SPAG16: variants seen among roughly 807,000 people sequenced by gnomAD.
SPAG16 encodes sperm-associated antigen 16 protein.
Under a neutral mutation model 80.4 loss-of-function variants are expected in SPAG16, and 86 were observed. That is an observed-to-expected ratio of 1.07 (90% CI 0.90 to 1.28). The LOEUF (loss-of-function observed/expected upper bound fraction) is 1.28, where lower values mean the gene tolerates loss of function less well. Ranked by LOEUF, SPAG16 falls within the 50% of genes most tolerant of loss-of-function variation. SPAG16 has a pLI of 0.00. For missense variants in SPAG16, 870 were observed against 765.3 expected (o/e 1.14, Z -1.61); for synonymous variants, 294 against 265.9 (o/e 1.11, Z -1.03).
At chr2:214,376,819 T>C (rs1296604576) in intron 15 of SPAG16, among the ~76,000 whole-genome samples, 1 of 152,172 alleles carries the variant, frequency 6.6e-6, no homozygotes, top group African/African-American at 2.4e-5. Context: ...AAATGTTGAG[T>C]AAATCACATG....
At chr2:214,038,877 AT>A (rs1305564144) in intron 13 of SPAG16, among the ~76,000 whole-genome samples, 1 of 152,208 alleles carries the variant, frequency 6.6e-6, no homozygotes, top group South Asian at 2.1e-4. Flanking sequence ...TGAAATCATT[AT>A]TTTTTATGGC....
intron 12 of SPAG16, among the ~76,000 whole-genome samples, chr2:213,933,004 G>A (rs1156596197): frequency 6.8e-6 from 1 of 146,784 alleles, no homozygotes; most frequent in African/African-American, 2.5e-5. Context: ...GTGTAACCCA[G>A]AGAGTGCTTG....
intron 15 of SPAG16, among the ~76,000 whole-genome samples, chr2:214,225,269 C>T (rs1480535199): frequency 6.6e-6 from 1 of 152,100 alleles, no homozygotes; most frequent in African/African-American, 2.4e-5. Context: ...CATTTGGGGA[C>T]CTTTTTTTTC....
chr2:213,704,577 C>T (rs2065653879), intron 10 of SPAG16, among the ~76,000 whole-genome samples: 1 of 152,024 alleles, frequency 6.6e-6, no homozygotes, highest in African/African-American at 2.4e-5. Flanking sequence ...CAAATGTTAA[C>T]CACTATGATT....
Position 213,310,315 on chromosome 2 carries a change from C to T in SPAG16, c.398+138C>T, listed in dbSNP as rs1452586195. ...ACTTTTCCCATCTCCAGCCCTGAAA[C>T]CACAACACACACACACACACACACA... On this transcript the variant is annotated intron_variant, in intron 4 of 15. Coordinates refer to ENST00000331683, the MANE Select transcript of SPAG16 (RefSeq NM_024532.5). 5.1e-5 allele frequency: 23 copies of T among 452,096 alleles called. No individual in the cohort carries two copies. The South Asian group carries it at 5.4e-4, about 11-fold the overall frequency. 28.0% of individuals were successfully genotyped at this position (452,096 alleles called of 1,614,324 possible).
At chr2:213,374,820 T>C (rs529408594) in intron 8 of SPAG16, among the ~76,000 whole-genome samples, 190 bp from the exon 9 acceptor site, 11 of 152,208 alleles carry the variant, frequency 7.2e-5, no homozygotes, top group Admixed American at 4.6e-4. Context: ...TAGTAATGCA[T>C]CTCTGCATTT....
At chr2:214,021,055 A>G (rs533463958) in intron 13 of SPAG16, among the ~76,000 whole-genome samples, 3 of 152,254 alleles carry the variant, frequency 2.0e-5, no homozygotes, top group Non-Finnish European at 4.4e-5. Flanking sequence ...CTTACAGTTC[A>G]CTGTTGGCAA....
chr2:213,563,647 A>C (rs1008715186), intron 10 of SPAG16, among the ~76,000 whole-genome samples: 3 of 152,204 alleles, frequency 2.0e-5, no homozygotes, highest in African/African-American at 7.2e-5. Flanking sequence ...TTACCTCATA[A>C]AAGCCCTATC....
chr2:213,333,942 G>T (rs1387835980), intron 5 of SPAG16, among the ~76,000 whole-genome samples: 1 of 152,072 alleles, frequency 6.6e-6, no homozygotes, highest in Non-Finnish European at 1.5e-5. Context: ...ACAAGCACAG[G>T]CATCCAAAGA....
At chr2:213,696,268 A>C (rs757573712) in intron 10 of SPAG16, among the ~76,000 whole-genome samples, 2 of 152,156 alleles carry the variant, frequency 1.3e-5, no homozygotes, top group Non-Finnish European at 2.9e-5. Context: ...TGCAATCCTG[A>C]GTTAAGTTTT....
intron 10 of SPAG16, among the ~76,000 whole-genome samples, chr2:213,804,724 A>G (rs2071653115): frequency 6.8e-6 from 1 of 146,276 alleles, no homozygotes; most frequent in Admixed American, 6.7e-5. Flanking sequence ...TAACTAACTA[A>G]CTAACTAAGA....
At chr2:213,591,084 A>G (rs2060674095) in intron 10 of SPAG16, among the ~76,000 whole-genome samples, 1 of 152,216 alleles carries the variant, frequency 6.6e-6, no homozygotes, top group Admixed American at 6.5e-5. Flanking sequence ...ATAAGTGGAA[A>G]CCATTGGGTA....
chr2:213,676,797 G>A lies in SPAG16; in HGVS notation c.1071-185688G>A, dbSNP rs541329317. On this transcript the variant is annotated intron_variant, in intron 10 of 15. Coordinates refer to ENST00000331683, the MANE Select transcript of SPAG16 (RefSeq NM_024532.5). Reference sequence around the variant, plus strand: ...GGATTCGGTTTGCCAGTATTTTATTGAGGATTTTTGCATCAATGTTCATCA... The same window carrying A: ...GGATTCGGTTTGCCAGTATTTTATTAAGGATTTTTGCATCAATGTTCATCA... Among the ~76,000 whole-genome samples, 501 of 150,310 alleles carry A rather than the reference G, an allele frequency of 3.3e-3. 1 individual carries two copies. The highest frequency in any genetic ancestry group is 5.6e-3 in the Non-Finnish European group (380 of 67,654).
Position 214,330,704 on chromosome 2 carries a change from C to A in SPAG16, c.1721-79436C>A, listed in dbSNP as rs1457251567. 9.9e-5 allele frequency among the ~76,000 whole-genome samples: 15 copies of A among 152,190 alleles called. 1 individual carries two copies. The highest frequency in any genetic ancestry group is 1.5e-5 in the Non-Finnish European group (1 of 68,036). On this transcript the variant is annotated intron_variant, in intron 15 of 15. Coordinates refer to ENST00000331683, the MANE Select transcript of SPAG16 (RefSeq NM_024532.5). ...TAGCTGGCCTTAGGAAAGGGACAAA[C>A]TCTTGAGCAAGGTAACTTCTTTCAG...
At chr2:214,162,712 C>T (rs1380838318) in intron 15 of SPAG16, among the ~76,000 whole-genome samples, 1 of 151,970 alleles carries the variant, frequency 6.6e-6, no homozygotes, top group Non-Finnish European at 1.5e-5. Flanking sequence ...GTTTTTGTTG[C>T]CGTGATGTTC....
At chr2:213,481,305 CA>C (rs2125697462) in intron 9 of SPAG16, among the ~76,000 whole-genome samples, 1 of 152,308 alleles carries the variant, frequency 6.6e-6, no homozygotes, top group South Asian at 2.1e-4. Flanking sequence ...CATTCATTTT[CA>C]AAGTAAACTG....
At chr2:214,272,178 A>C in intron 15 of SPAG16, among the ~76,000 whole-genome samples, 1 of 152,080 alleles carries the variant, frequency 6.6e-6, no homozygotes, top group South Asian at 2.1e-4. Flanking sequence ...TTTTAACATG[A>C]TATAAGGTAT....
At chr2:213,412,577 G>A (rs1052395842) in intron 9 of SPAG16, among the ~76,000 whole-genome samples, 1 of 152,090 alleles carries the variant, frequency 6.6e-6, no homozygotes, top group African/African-American at 2.4e-5. Flanking sequence ...ATTTCTGTAA[G>A]TTAATTAGAG....
chr2:214,405,107 C>T (rs1336080233), intron 15 of SPAG16, among the ~76,000 whole-genome samples: 5 of 152,006 alleles, frequency 3.3e-5, no homozygotes, highest in African/African-American at 9.7e-5. Flanking sequence ...TGACACTTAT[C>T]TGAGTCTTTT....
Sources: gnomAD v4.1 joint callset for allele counts (sites outside exome capture counted in the v4.1 genomes callset) on GRCh38, gnomAD v4.1.1 for gene constraint, MANE v1.5 for transcripts, NCBI Gene and HGNC (gene_info 2026-07-23, HGNC 2026-07-21) for gene names.